The following SLC26A8 variants were observed in gnomAD, a reference collection of about 807,000 sequenced individuals.
The protein encoded by SLC26A8 is testis anion transporter 1.
A neutral mutation model predicts 105.0 loss-of-function variants in SLC26A8; 70 were observed. That is an observed-to-expected ratio of 0.67 (90% CI 0.55 to 0.81). The LOEUF (loss-of-function observed/expected upper bound fraction) is 0.81, where lower values mean the gene tolerates loss of function less well. Among genes scored for constraint, SLC26A8 ranks in the 40% least tolerant of loss-of-function variants. SLC26A8 has a pLI of 0.00. For missense variants in SLC26A8, 998 were observed against 1,181.8 expected (o/e 0.84, Z 2.28); for synonymous variants, 415 against 438.3 (o/e 0.95, Z 0.66).
chr6:36,010,387 T>C (rs1038479694), intron 3 of SLC26A8, among the ~76,000 whole-genome samples: 1 of 152,048 alleles, frequency 6.6e-6, no homozygotes, highest in African/African-American at 2.4e-5. Context: ...AAAGACAGAA[T>C]TATGGTGCTG....
In SLC26A8 at chr6:35,951,720, A is replaced by G. The variant is rs566801544; in HGVS notation, c.2233-221T>C. Among the ~76,000 whole-genome samples, 129 of 152,200 alleles carry G rather than the reference A, an allele frequency of 8.5e-4. 2 individuals are homozygous for G. The highest frequency in any genetic ancestry group is 3.0e-3 in the African/African-American group (123 of 41,512). On this transcript the variant is annotated intron_variant, in intron 17 of 19. Transcript: ENST00000490799. ...CAGCCTCCCAAGTAGCTGAGACTACAGGTGCATACCACACGCCTGGCTAAT... is the reference window on the plus strand; with the variant it reads ...CAGCCTCCCAAGTAGCTGAGACTACGGGTGCATACCACACGCCTGGCTAAT...
Position 36,019,844 on chromosome 6 carries a change from T to C in SLC26A8, c.-2-135A>G. 1.3e-5 allele frequency: 11 copies of C among 831,152 alleles called. No individual in the cohort carries two copies. The South Asian group carries it at 2.5e-4, about 19-fold the overall frequency. 51.5% of individuals were successfully genotyped at this position (831,152 alleles called of 1,614,324 possible). A position where few individuals can be genotyped will look rare whatever the true frequency, so the allele number is the denominator to read the frequency against. The stretch of plus-strand genomic sequence containing the variant: ...GCATCTTTCAGTTGTAAAAAACTCT[T>C]TCTCAAAGTTGTATAATTTTATGTG... On this transcript the variant is annotated intron_variant, in intron 1 of 19. Coordinates refer to ENST00000490799, the MANE Select transcript of SLC26A8 (RefSeq NM_052961.4).
intron 19 of SLC26A8, among the ~76,000 whole-genome samples, chr6:35,947,209 T>G (rs934225878): frequency 3.9e-5 from 6 of 151,930 alleles, no homozygotes; most frequent in Non-Finnish European, 8.8e-5. Context: ...TTTTGTATTT[T>G]TTGTAGAGAC....
Position 35,977,075 on chromosome 6 carries a change from T to G in SLC26A8, c.1173+129A>C, listed in dbSNP as rs1409629039. The G allele has an allele frequency of 2.9e-6, 3 of 1,018,712 alleles. No homozygotes were observed. The African/African-American group carries it at 4.9e-5, about 17-fold the overall frequency. 63.1% of individuals were successfully genotyped at this position (1,018,712 alleles called of 1,614,324 possible). ...AGTATCCCTCACCTCTCAAAAATCCTTTGTGATTACTGTCCAAACCATGGT... is the reference window on the plus strand; with the variant it reads ...AGTATCCCTCACCTCTCAAAAATCCGTTGTGATTACTGTCCAAACCATGGT... On this transcript the variant is annotated intron_variant, in intron 9 of 19. Transcript: ENST00000490799.
intron 5 of SLC26A8, 108 bp from the exon 6 acceptor site, chr6:35,992,782 GC>G: frequency 8.8e-7 from 1 of 1,141,342 alleles, no homozygotes; most frequent in Non-Finnish European, 1.2e-6. Flanking sequence ...GTTAAGATAG[GC>G]CCCTTTGGTA....
At chr6:35,966,738 A>G (rs757182628) in intron 11 of SLC26A8, among the ~76,000 whole-genome samples, 2 of 152,166 alleles carry the variant, frequency 1.3e-5, no homozygotes, top group Non-Finnish European at 2.9e-5. Context: ...TACTCATAGA[A>G]CCTTATTGTT....
At position 35,959,787 on chromosome 6, in the gene SLC26A8, ACCC is replaced by A; in HGVS notation, c.1655_1657del (p.Gly552del). 6.2e-7 allele frequency: 1 copy of A among 1,607,248 alleles called. No homozygotes were observed. ...TGAGCTGCAGCACTGGAAGATTTTC[ACCC>A]CAGGAATGGTGATGATCTGCAAGAC... On this transcript the variant is annotated inframe_deletion, in exon 15 of 20. Coordinates refer to ENST00000490799, the MANE Select transcript of SLC26A8 (RefSeq NM_052961.4).
rs760904652 is a variant in SLC26A8 at position 35,992,663 on chromosome 6, G to T, written c.639C>A (p.Gly213=). 1.2e-5 allele frequency: 19 copies of T among 1,609,288 alleles called. No homozygotes were observed. The highest frequency in any genetic ancestry group is 2.2e-5 in the East Asian group (1 of 44,756). The change falls in exon 6 of 20, where the codon GGC becomes GGA. Residue 213 remains glycine, a synonymous_variant. Coordinates refer to ENST00000490799, the MANE Select transcript of SLC26A8 (RefSeq NM_052961.4). ...FLTGIIQLIM[G]VLGLGFIATY... is the part of the protein sequence containing the mutation. ...TGGCAATGAAGCCCAAACCCAATAC[G>T]CCCATTATTAGCTGCAGAGAAGAGA...
rs777283468 is a variant in SLC26A8, at chr6:35,960,826, C to T, written c.1638+17G>A. ...CTATCCCTTAGGCAGAGAAATGGGA[C>T]CCATTTGGATTCTTACCTCCCGATA... On this transcript the variant is annotated intron_variant, in intron 14 of 19. Transcript: ENST00000490799. The T allele has an allele frequency of 2.5e-6, 4 of 1,612,930 alleles. No homozygotes were observed. In the South Asian group the frequency reaches 3.3e-5, roughly 13 times the overall value.
intron 10 of SLC26A8, among the ~76,000 whole-genome samples, chr6:35,970,008 C>A (rs1482341661): frequency 1.3e-5 from 2 of 152,276 alleles, no homozygotes; most frequent in African/African-American, 4.8e-5. Flanking sequence ...TAGTCTTGAA[C>A]TCATTATATC....
chr6:35,960,543 C>T, intron 14 of SLC26A8: 1 of 329,126 alleles, frequency 3.0e-6, no homozygotes, highest in East Asian at 5.8e-5. Flanking sequence ...GTAATCCCAG[C>T]TACTGGGGAG....
At chr6:35,944,409 A>T in intron 19 of SLC26A8, 69 bp from the exon 20 acceptor site, 10 of 1,093,338 alleles carry the variant, frequency 9.1e-6, no homozygotes, top group Non-Finnish European at 1.3e-5. Flanking sequence ...AGTGGCTCAT[A>T]CCTGTAATCC....
chr6:35,971,451 A>G (rs1281396727), intron 10 of SLC26A8, among the ~76,000 whole-genome samples: 1 of 152,234 alleles, frequency 6.6e-6, no homozygotes, highest in Non-Finnish European at 1.5e-5. Flanking sequence ...ACCCTCAGGC[A>G]TCAATTGCTC....
chr6:35,944,362 T>A, intron 19 of SLC26A8, 22 bp from the exon 20 acceptor site: 1 of 1,527,894 alleles, frequency 6.5e-7, no homozygotes, highest in Non-Finnish European at 9.0e-7. Flanking sequence ...TTAGGTGGGT[T>A]AAAATTTCTA....
At chr6:35,974,124 C>T (rs1230021253) in intron 10 of SLC26A8, among the ~76,000 whole-genome samples, 2 of 152,180 alleles carry the variant, frequency 1.3e-5, no homozygotes, top group Non-Finnish European at 2.9e-5. Flanking sequence ...TCAAGACCAG[C>T]CTGGCCAACA....
At chr6:35,996,354 T>C (rs1386350446) in intron 5 of SLC26A8, among the ~76,000 whole-genome samples, 2 of 152,190 alleles carry the variant, frequency 1.3e-5, no homozygotes, top group African/African-American at 4.8e-5. Flanking sequence ...GTTCAGTAGA[T>C]GAACTTTTGG....
At chr6:36,023,839 T>C (rs957038611) in intron 1 of SLC26A8, among the ~76,000 whole-genome samples, 2 of 152,224 alleles carry the variant, frequency 1.3e-5, no homozygotes, top group Admixed American at 1.3e-4. Context: ...GCAAAGAGCC[T>C]GGCCTTTAGA....
At chr6:36,016,931 T>A (rs144468070) in intron 2 of SLC26A8, among the ~76,000 whole-genome samples, 51 of 151,984 alleles carry the variant, frequency 3.4e-4, no homozygotes, top group African/African-American at 1.2e-3. Flanking sequence ...CAGCACTTTG[T>A]GAGGCCAAAG....
At chr6:35,970,727 T>C (rs1343051569) in intron 10 of SLC26A8, among the ~76,000 whole-genome samples, 2 of 152,156 alleles carry the variant, frequency 1.3e-5, no homozygotes, top group East Asian at 3.8e-4. Context: ...CAAAATAAGT[T>C]GTATAAAACT....
Sources: gnomAD v4.1 joint callset for allele counts (sites outside exome capture counted in the v4.1 genomes callset) on GRCh38, gnomAD v4.1.1 for gene constraint, MANE v1.5 for transcripts, NCBI Gene and HGNC (gene_info 2026-07-23, HGNC 2026-07-21) for gene names.